Variants in SLC22A8 observed in about 807,000 individuals in gnomAD.
The protein encoded by SLC22A8 is organic anion transporter 3.
A neutral mutation model predicts 48.4 loss-of-function variants in SLC22A8; 40 were observed. That is an observed-to-expected ratio of 0.83 (90% CI 0.64 to 1.08). The LOEUF (loss-of-function observed/expected upper bound fraction) is 1.08. Ranked by LOEUF, SLC22A8 falls within the 50% of genes least tolerant of loss-of-function variation. SLC22A8 has a pLI of 0.00. For synonymous variants in SLC22A8, 268 were observed against 286.3 expected (o/e 0.94, Z 0.65); for missense variants, 606 against 699.0 (o/e 0.87, Z 1.50).
intron 5 of SLC22A8, among the ~76,000 whole-genome samples, chr11:62,997,178 T>G (rs1030681617): frequency 2.6e-5 from 4 of 152,268 alleles, no homozygotes; most frequent in Non-Finnish European, 5.9e-5. Flanking sequence ...CATGAAACTC[T>G]GGGTGACAGG....
chr11:62,994,461 A>G, intron 8 of SLC22A8, 81 bp downstream of exon 8: 1 of 1,029,832 alleles, frequency 9.7e-7, no homozygotes, highest in South Asian at 1.4e-5. Flanking sequence ...AGTGACTTAG[A>G]GGCAGAGCCA....
chr11:63,015,089 G>A (rs2086660092), intron 1 of SLC22A8, 106 bp from the exon 2 acceptor site: 5 of 683,860 alleles, frequency 7.3e-6, no homozygotes, highest in South Asian at 6.6e-5. Flanking sequence ...GCGAGCACAG[G>A]TGTGTGGAGC....
At chr11:62,999,496 G>A in intron 4 of SLC22A8, 192 bp downstream of exon 4, 1 of 491,264 alleles carries the variant, frequency 2.0e-6, no homozygotes, top group Non-Finnish European at 3.6e-6. Context: ...TAAGTCCTCA[G>A]TATTGACAGC....
intron 8 of SLC22A8, 94 bp downstream of exon 8, chr11:62,994,448 C>G (rs1344413937): frequency 3.3e-6 from 3 of 917,676 alleles, no homozygotes; most frequent in Non-Finnish European, 5.2e-6. Context: ...CTCAAGGTAA[C>G]ACAGTGACTT....
In SLC22A8 at chr11:63,015,331, C is replaced by T. The variant is rs895273785; in HGVS notation, c.-25-348G>A. Among the ~76,000 whole-genome samples, 5 of 152,174 alleles carry T rather than the reference C, an allele frequency of 3.3e-5. No homozygotes were observed. In the East Asian group the frequency reaches 5.8e-4, roughly 18 times the overall value. Reference sequence around the variant, plus strand: ...TATGTGTTGTGAGCGTGTGCACCTGCGGACACGAGCATGTGTGTGCTCAGC... The same window carrying T: ...TATGTGTTGTGAGCGTGTGCACCTGTGGACACGAGCATGTGTGTGCTCAGC... On this transcript the variant is annotated intron_variant, in intron 1 of 10. Coordinates refer to ENST00000336232, the MANE Select transcript of SLC22A8 (RefSeq NM_004254.4).
Position 62,999,724 on chromosome 11 carries a change from C to T in SLC22A8, c.556G>A (p.Gly186Ser). 6.2e-7 allele frequency: 1 copy of T among 1,602,434 alleles called. No individual in the cohort carries two copies. Among genetic ancestry groups the T allele is most frequent in the African/African-American group, 1.3e-5 (1 of 74,426 alleles). Residue 186 changes from glycine to serine, a missense_variant, in exon 4 of 11, where the codon GGC (glycine) becomes AGC (serine). Coordinates refer to ENST00000336232, the MANE Select transcript of SLC22A8 (RefSeq NM_004254.4). Reference sequence around the variant, plus strand: ...GTGCTCAGGGTAATGCCTGAGATGCCAAAGCCACACAGGAAGCGGAAGACC... The same window carrying T: ...GTGCTCAGGGTAATGCCTGAGATGCTAAAGCCACACAGGAAGCGGAAGACC... ...YMVFRFLCGFGISGITLSTVI... is the reference protein window; with the variant it reads ...YMVFRFLCGFSISGITLSTVI...
chr11:63,012,827 C>T (rs1020342845), intron 2 of SLC22A8, among the ~76,000 whole-genome samples: 2 of 152,294 alleles, frequency 1.3e-5, no homozygotes, highest in South Asian at 2.1e-4. Flanking sequence ...AGCGGCTCTT[C>T]GACTTTATGT....
intron 5 of SLC22A8, among the ~76,000 whole-genome samples, chr11:62,997,273 G>T (rs1280649543): frequency 6.6e-6 from 1 of 152,124 alleles, no homozygotes; most frequent in African/African-American, 2.4e-5. Context: ...CGCCTGGGCT[G>T]GAGTGCAATG....
intron 2 of SLC22A8, among the ~76,000 whole-genome samples, chr11:63,008,584 C>T (rs2086582438): frequency 6.6e-6 from 1 of 152,162 alleles, no homozygotes; most frequent in Admixed American, 6.5e-5. Flanking sequence ...GTACCTGCTT[C>T]TCAGGCTTGT....
Position 62,993,252 on chromosome 11 carries a change from G to T in SLC22A8, c.1614C>A (p.Gly538=). Residue 538 remains glycine, a synonymous_variant, in exon 11 of 11, where the codon GGC becomes GGA. Transcript: ENST00000336232. ...QRIPLQPHGP[G]LGSS is the part of the protein sequence containing the mutation. ...TCCGTTGTCCTCAGCTGGAGCCCAG[G>T]CCTGGTCCGTGAGGCTGTAGAGGGA... 6.2e-7 allele frequency: 1 copy of T among 1,612,344 alleles called. No homozygotes were observed. Among genetic ancestry groups the T allele is most frequent in the Non-Finnish European group, 8.5e-7 (1 of 1,179,610 alleles).
Position 62,996,120 on chromosome 11 carries a change from A to G in SLC22A8, c.794T>C (p.Leu265Ser). ...WTPESIRWLV[L>S]SGKSSKALKI... is the part of the protein sequence containing the mutation. ...CAGGGCCTTCGAGGACTTTCCAGAC[A>G]AGACCAACCAGCGTATGGACTCTGG... The change falls in exon 6 of 11, where the codon TTG (leucine) becomes TCG (serine). Residue 265 changes from leucine to serine, a missense_variant. Transcript: ENST00000336232. The G allele has an allele frequency of 6.2e-7, 1 of 1,612,792 alleles. No homozygotes were observed. Among genetic ancestry groups the G allele is most frequent in the Non-Finnish European group, 8.5e-7 (1 of 1,179,360 alleles).
intron 1 of SLC22A8, 85 bp from the exon 2 acceptor site, chr11:63,015,068 C>G: frequency 1.2e-6 from 1 of 866,260 alleles, no homozygotes; most frequent in Non-Finnish European, 1.8e-6. Context: ...GAGGGTGAAC[C>G]AGGTGGATAT....
In SLC22A8 at chr11:62,993,290, C is replaced by T. The variant is rs1196576621; in HGVS notation, c.1576G>A (p.Ala526Thr). ...GGCTGTAGAGGGATCCTCTGGGAGG[C>T]CTTTTCCACCTCTGGCTCCTGCTTT... ...KPKQEPEVEK[A>T]SQRIPLQPHG... The change falls in exon 11 of 11, where the codon GCC (alanine) becomes ACC (threonine). Residue 526 changes from alanine (A) to threonine (T), a missense_variant. Physicochemically the swap from Ala to Thr is moderately conservative, Grantham distance 58. Transcript: ENST00000336232. 1.2e-6 allele frequency: 2 copies of T among 1,613,656 alleles called. No individual in the cohort carries two copies. Among genetic ancestry groups the T allele is most frequent in the South Asian group, 1.1e-5 (1 of 91,000 alleles).
At chr11:63,000,857 A>G in intron 2 of SLC22A8, 34 bp from the exon 3 acceptor site, 1 of 1,516,126 alleles carries the variant, frequency 6.6e-7, no homozygotes, top group Non-Finnish European at 9.2e-7. Context: ...AGCCTAACTC[A>G]GTGTAGACAG....
chr11:62,996,181 T>C (rs934050921), intron 5 of SLC22A8, 29 bp from the exon 6 acceptor site: 35 of 1,566,990 alleles, frequency 2.2e-5, no homozygotes, highest in Non-Finnish European at 2.9e-5. Context: ...TCACAGTGGC[T>C]CCTCCCACTC....
At chr11:63,011,805 A>G (rs949104812) in intron 2 of SLC22A8, among the ~76,000 whole-genome samples, 2 of 152,092 alleles carry the variant, frequency 1.3e-5, no homozygotes, top group African/African-American at 4.8e-5. Context: ...CTCCTGCTTA[A>G]CACCACCACA....
At chr11:62,993,665 TG>T in intron 9 of SLC22A8, 38 bp from the exon 10 acceptor site, 1 of 1,601,838 alleles carries the variant, frequency 6.2e-7, no homozygotes, top group Non-Finnish European at 8.5e-7. Context: ...AGCCTGTGTG[TG>T]GGGTTCATAA....
At chr11:63,010,719 C>T (rs2086609479) in intron 2 of SLC22A8, among the ~76,000 whole-genome samples, 1 of 152,130 alleles carries the variant, frequency 6.6e-6, no homozygotes. Flanking sequence ...GTGCGGTGCC[C>T]TGAGGCCTGG....
At chr11:62,997,497 C>T (rs948799043) in intron 5 of SLC22A8, among the ~76,000 whole-genome samples, 20 of 152,162 alleles carry the variant, frequency 1.3e-4, no homozygotes, top group African/African-American at 4.1e-4. Context: ...GCTGGGATTA[C>T]AGCCGTGAGC....
Sources: gnomAD v4.1 joint callset for allele counts (sites outside exome capture counted in the v4.1 genomes callset) on GRCh38, gnomAD v4.1.1 for gene constraint, MANE v1.5 for transcripts, NCBI Gene and HGNC (gene_info 2026-07-23, HGNC 2026-07-21) for gene names.